Variants in A4GALT observed in about 807,000 individuals in gnomAD.
A4GALT encodes alpha 1,4-galactosyltransferase (P1PK blood group), also known as lactosylceramide 4-alpha-galactosyltransferase.
For synonymous variants in A4GALT, 257 were observed against 220.7 expected, an observed-to-expected ratio of 1.16 and a Z score of -1.46; for missense variants, 512 against 486.0, an observed-to-expected ratio of 1.05 and a Z score of -0.50.
chr22:42,709,048 A>AATATAT (rs149743579), intron 1 of A4GALT, among the ~76,000 whole-genome samples: 74 of 131,106 alleles, frequency 5.6e-4, no homozygotes, highest in Middle Eastern at 4.0e-3. Flanking sequence ...GGAAAATTTA[A>AATATAT]ATATATATAT....
intron 1 of A4GALT, among the ~76,000 whole-genome samples, chr22:42,706,646 C>T (rs900969942): frequency 4.0e-5 from 6 of 151,508 alleles, no homozygotes; most frequent in African/African-American, 1.5e-4. Context: ...AATACAAAAA[C>T]TAGCTGGGCA....
intron 1 of A4GALT, chr22:42,718,312 A>G (rs1248058438): frequency 6.6e-6 from 1 of 152,188 alleles, no homozygotes; most frequent in Non-Finnish European, 1.5e-5. Context: ...CTCAGGCTGG[A>G]GTGCAGTGGC....
Position 42,692,176 on chromosome 22 carries a change from G to A in A4GALT, c.*714C>T, listed in dbSNP as rs189566813. 9.1e-4 allele frequency: 158 copies of A among 173,972 alleles called. No individual in the cohort carries two copies. The highest frequency in any genetic ancestry group is 3.6e-3 in the African/African-American group (151 of 41,956). 10.8% of individuals were successfully genotyped at this position (173,972 alleles called of 1,614,324 possible). ...ATTCTCCTGTGTTTATAATGCGGGCGGCAGGGTGGGGGTTTCTTTAAAATG... is the reference window on the plus strand; with the variant it reads ...ATTCTCCTGTGTTTATAATGCGGGCAGCAGGGTGGGGGTTTCTTTAAAATG... On this transcript the variant is annotated 3_prime_UTR_variant, in exon 3 of 3. Coordinates refer to ENST00000642412, the MANE Select transcript of A4GALT (RefSeq NM_017436.7). This position sits in a 1 kb window ranked among gnomAD's most constrained non-coding sequence, Gnocchi z 4.6.
At chr22:42,694,106 T>G (rs1930743765) in intron 2 of A4GALT, 109 bp from the exon 3 acceptor site, 2 of 699,654 alleles carry the variant, frequency 2.9e-6, no homozygotes, top group African/African-American at 1.8e-5. Flanking sequence ...TCCAAGCCCA[T>G]GGGCTCCTGG....
At chr22:42,712,055 T>A (rs1298026455) in intron 1 of A4GALT, among the ~76,000 whole-genome samples, 1 of 152,242 alleles carries the variant, frequency 6.6e-6, no homozygotes, top group African/African-American at 2.4e-5. Flanking sequence ...AAATTACAGC[T>A]GCCTCATTAT....
rs1363014083 is a variant in A4GALT at position 42,693,676 on chromosome 22, G to A, written c.276C>T (p.Phe92=). The A allele has an allele frequency of 2.1e-6, 3 of 1,423,756 alleles. No homozygotes were observed. The highest frequency in any genetic ancestry group is 1.9e-5 in the Admixed American group (1 of 53,278). The allele number at this position is 1,423,756 out of a possible 1,614,324, so 88.2% of individuals were successfully genotyped here. ...LETSDRTNPN[F]LFMCSVESAA... is the part of the protein sequence containing the mutation. ...CCGACTCCACCGAGCACATGAACAG[G>A]AAGTTGGGGTTGGTCCGGTCTGAAG... Residue 92 remains phenylalanine, a synonymous_variant, in exon 3 of 3, where the codon TTC becomes TTT. Transcript: ENST00000642412.
chr22:42,713,448 C>T (rs1204668381), intron 1 of A4GALT, among the ~76,000 whole-genome samples: 3 of 152,202 alleles, frequency 2.0e-5, no homozygotes, highest in Admixed American at 1.3e-4. Context: ...ATATGTACAA[C>T]AGGGAAGAGA....
chr22:42,707,543 G>A (rs983900653), intron 1 of A4GALT, among the ~76,000 whole-genome samples: 3 of 152,074 alleles, frequency 2.0e-5, no homozygotes, highest in Non-Finnish European at 2.9e-5. Flanking sequence ...TGTAGTCCCA[G>A]CTACCTCGGG....
chr22:42,719,754 G>T (rs1199272474), intron 1 of A4GALT, among the ~76,000 whole-genome samples: 1 of 152,182 alleles, frequency 6.6e-6, no homozygotes, highest in Non-Finnish European at 1.5e-5. Context: ...TGGGCAGCTG[G>T]TGGCGGGAAC....
In A4GALT at chr22:42,702,983, C is replaced by T. The variant is rs1261060125; in HGVS notation, c.-187-7352G>A. On this transcript the variant is annotated intron_variant, in intron 1 of 2. Transcript: ENST00000642412. ...CCACAGTGGCACTCAGGCCGGGGTA[C>T]ATCACAGTGTGGTCCGCTGGCCGCA... Among the ~76,000 whole-genome samples the T allele has an allele frequency of 4.3e-5, 5 of 115,014 alleles. 2 individuals carry two copies. The highest frequency in any genetic ancestry group is 2.5e-4 in the African/African-American group (4 of 16,278). The allele number at this position is 115,014 out of a possible 152,430, so 75.5% of individuals were successfully genotyped here.
chr22:42,715,800 G>A (rs1172250904), intron 1 of A4GALT, among the ~76,000 whole-genome samples: 2 of 149,482 alleles, frequency 1.3e-5, no homozygotes, highest in African/African-American at 2.5e-5. Flanking sequence ...TTACAGGTGT[G>A]AGCCACCACA....
intron 1 of A4GALT, among the ~76,000 whole-genome samples, chr22:42,705,073 C>T (rs1199594427): frequency 6.6e-6 from 1 of 152,148 alleles, no homozygotes; most frequent in Non-Finnish European, 1.5e-5. Context: ...AAAGGCCATA[C>T]TTTAAAAAGC....
intron 1 of A4GALT, among the ~76,000 whole-genome samples, chr22:42,715,928 G>A (rs890102018): frequency 4.6e-5 from 7 of 151,490 alleles, no homozygotes; most frequent in African/African-American, 1.7e-4. Context: ...CGCCTCCTGC[G>A]TTCAAGCGAT....
intron 1 of A4GALT, among the ~76,000 whole-genome samples, chr22:42,710,732 ATAAG>A (rs1921613856): frequency 7.3e-6 from 1 of 136,996 alleles, no homozygotes; most frequent in Admixed American, 7.3e-5. Flanking sequence ...AAATAAATAA[ATAAG>A]AACAATGCAG....
intron 1 of A4GALT, among the ~76,000 whole-genome samples, chr22:42,699,933 G>A (rs755887541): frequency 3.3e-5 from 5 of 152,130 alleles, no homozygotes; most frequent in Admixed American, 3.3e-4. Flanking sequence ...GGAGGAATTC[G>A]CCCCCGTTCT....
At chr22:42,695,111 A>G (rs1280978358) in intron 2 of A4GALT, 1 of 152,228 alleles carries the variant, frequency 6.6e-6, no homozygotes, top group Admixed American at 6.6e-5. Context: ...TAGCCAATGT[A>G]CCTGGTGTGT....
chr22:42,712,917 C>T (rs1287245861), intron 1 of A4GALT, among the ~76,000 whole-genome samples: 2 of 152,088 alleles, frequency 1.3e-5, no homozygotes, highest in African/African-American at 4.8e-5. Flanking sequence ...ACAACTACAA[C>T]AAAAATAGTA....
At chr22:42,699,081 T>C (rs1439627965) in intron 1 of A4GALT, among the ~76,000 whole-genome samples, 1 of 147,436 alleles carries the variant, frequency 6.8e-6, no homozygotes, top group Non-Finnish European at 1.5e-5. Context: ...GCCATTCTTT[T>C]ATTCCTTTAC....
chr22:42,706,008 C>T (rs1419973369), intron 1 of A4GALT, among the ~76,000 whole-genome samples: 1 of 101,330 alleles, frequency 9.9e-6, no homozygotes, highest in East Asian at 2.5e-4. Flanking sequence ...GAGTCAAGAT[C>T]GCACCACTGC....
Sources: allele counts gnomAD v4.1 joint callset (sites outside exome capture counted in the v4.1 genomes callset), GRCh38; gene constraint gnomAD v4.1.1; non-coding constraint Gnocchi (gnomAD v3.1); transcripts MANE v1.5; gene names NCBI Gene and HGNC (gene_info 2026-07-23, HGNC 2026-07-21).